Variants in TOPAZ1 observed in about 807,000 individuals in gnomAD.
The protein encoded by TOPAZ1 is protein TOPAZ1.
Under a neutral mutation model 172.2 loss-of-function variants are expected in TOPAZ1, and 66 were observed. The ratio of observed to expected loss-of-function variants is 0.38; its 90% confidence interval spans 0.31 to 0.47. TOPAZ1 has a LOEUF of 0.47. Among genes scored for constraint, TOPAZ1 ranks in the 20% least tolerant of loss-of-function variants. The pLI is 0.99. For missense variants in TOPAZ1, 1,822 were observed against 1,972.4 expected (o/e 0.92, Z 1.44); for synonymous variants, 681 against 683.9 (o/e 1.00, Z 0.07).
At chr3:44,293,061 G>T (rs780434702) in intron 12 of TOPAZ1, among the ~76,000 whole-genome samples, 1 of 152,150 alleles carries the variant, frequency 6.6e-6, no homozygotes, top group Non-Finnish European at 1.5e-5. Flanking sequence ...TTATAATGGA[G>T]CTGAAAAATT....
chr3:44,280,783 ACCTTAG>A (rs1700014737), intron 8 of TOPAZ1, among the ~76,000 whole-genome samples: 1 of 152,154 alleles, frequency 6.6e-6, no homozygotes, highest in Non-Finnish European at 1.5e-5. Context: ...ATTGGCTCCC[ACCTTAG>A]CCCTGGCAGC....
chr3:44,250,702 A>G (rs557208463), intron 2 of TOPAZ1, among the ~76,000 whole-genome samples: 106 of 152,180 alleles, frequency 7.0e-4, no homozygotes, highest in Non-Finnish European at 1.4e-3. Flanking sequence ...TTACTCTGCA[A>G]ACTACCGCAG....
rs1190092475 is a variant in TOPAZ1 at position 44,244,740 on chromosome 3, T to A, written c.2234T>A (p.Leu745Ter). 7 of 1,551,566 alleles carry A rather than the reference T, an allele frequency of 4.5e-6. No individual in the cohort carries two copies. The highest frequency in any genetic ancestry group is 6.1e-6 in the Non-Finnish European group (7 of 1,146,968). The change falls in exon 2 of 20, where the codon TTG becomes TAG. Residue 745 changes from leucine to a stop codon, truncating the protein, a stop_gained. Coordinates refer to ENST00000309765, the MANE Select transcript of TOPAZ1 (RefSeq NM_001145030.2). LOFTEE classifies it high-confidence loss of function. Reference sequence around the variant, plus strand: ...ATGATGATGTTAGGACCTCAAACTTTGAGCATACGAAATAGTGTAACTCCA... The same window carrying A: ...ATGATGATGTTAGGACCTCAAACTTAGAGCATACGAAATAGTGTAACTCCA... ...VSMMMLGPQT[L>*]SIRNSVTPVQ...
chr3:44,312,895 G>A (rs897457935), intron 16 of TOPAZ1, among the ~76,000 whole-genome samples: 8 of 152,086 alleles, frequency 5.3e-5, no homozygotes, highest in Admixed American at 5.2e-4. Flanking sequence ...ATGAAAAGCT[G>A]GATAAGCAAA....
At chr3:44,282,984 A>G (rs1700039841) in intron 9 of TOPAZ1, among the ~76,000 whole-genome samples, 2 of 152,170 alleles carry the variant, frequency 1.3e-5, no homozygotes, top group African/African-American at 2.4e-5. Context: ...AGGAGGAACT[A>G]TATAGGTTAG....
intron 19 of TOPAZ1, among the ~76,000 whole-genome samples, chr3:44,330,416 C>G (rs1336171601): frequency 6.6e-6 from 1 of 152,204 alleles, no homozygotes; most frequent in Admixed American, 6.5e-5. Flanking sequence ...TCTCTATTGT[C>G]ATTATCATGC....
At chr3:44,255,672 C>A (rs113028154) in intron 3 of TOPAZ1, among the ~76,000 whole-genome samples, 7 of 55,320 alleles carry the variant, frequency 1.3e-4, no homozygotes, top group East Asian at 1.2e-3. Flanking sequence ...AATATATATA[C>A]ACACACACAC....
chr3:44,331,718 TA>T, intron 19 of TOPAZ1, 73 bp from the exon 20 acceptor site: 2 of 1,170,572 alleles, frequency 1.7e-6, no homozygotes, highest in Non-Finnish European at 2.5e-6. Context: ...CCAGTAAATG[TA>T]AATGACTATC....
intron 12 of TOPAZ1, among the ~76,000 whole-genome samples, chr3:44,298,738 C>A (rs1700227107): frequency 1.4e-5 from 2 of 146,352 alleles, no homozygotes; most frequent in African/African-American, 2.5e-5. Context: ...TGACCCAAAC[C>A]CGACACCTTA....
At chr3:44,326,908 C>T (rs1700606872) in intron 18 of TOPAZ1, among the ~76,000 whole-genome samples, 1 of 151,766 alleles carries the variant, frequency 6.6e-6, no homozygotes, top group African/African-American at 2.4e-5. Flanking sequence ...TTATTTTCTG[C>T]TTTTTAATTC....
intron 18 of TOPAZ1, among the ~76,000 whole-genome samples, chr3:44,324,711 T>G (rs2125705958): frequency 6.6e-6 from 1 of 152,236 alleles, no homozygotes; most frequent in African/African-American, 2.4e-5. Flanking sequence ...AAGTCAGTGG[T>G]TTTACTATAT....
chr3:44,253,400 G>A (rs1699658296), intron 2 of TOPAZ1, among the ~76,000 whole-genome samples: 1 of 152,188 alleles, frequency 6.6e-6, no homozygotes, highest in Non-Finnish European at 1.5e-5. Flanking sequence ...AAAGAACGTG[G>A]TGACTTTACA....
chr3:44,280,738 CTTTCTG>C (rs1346650821), intron 8 of TOPAZ1, among the ~76,000 whole-genome samples: 4 of 152,192 alleles, frequency 2.6e-5, no homozygotes, highest in Non-Finnish European at 5.9e-5. Context: ...GTGTAGCCAT[CTTTCTG>C]GTTCTGGTGG....
At chr3:44,335,917 T>G (rs1700719412), downstream of TOPAZ1, among the ~76,000 whole-genome samples, 1 of 152,184 alleles carries the variant, frequency 6.6e-6, no homozygotes, top group South Asian at 2.1e-4. Context: ...CAAAAATGAC[T>G]GAAGCTGTTG....
At chr3:44,282,658 A>G (rs1157493123) in intron 9 of TOPAZ1, among the ~76,000 whole-genome samples, 3 of 152,188 alleles carry the variant, frequency 2.0e-5, no homozygotes, top group African/African-American at 4.8e-5. Context: ...CTGCAAGAAG[A>G]TAGACACCAT....
At position 44,328,405 on chromosome 3, in the gene TOPAZ1, A is replaced by G. The variant is rs1700626658; in HGVS notation, c.4831A>G (p.Thr1611Ala). Residue 1611 changes from threonine to alanine, a missense_variant, in exon 19 of 20, where the codon ACA becomes GCA. Physicochemically the swap from Thr to Ala is moderately conservative, Grantham distance 58. Around this residue, in one of 2 missense-constraint regions of TOPAZ1, gnomAD observed 333 missense variants for 481.7 expected, o/e 0.69. Transcript: ENST00000309765. ...ASSIQSPGTS[T>A]QILQIVLKRC... ...TAGTATTCAGAGTCCTGGAACTTCT[A>G]CACAGATACTGCAGATAGTTTTGAA... 6.6e-7 allele frequency: 1 copy of G among 1,516,904 alleles called. No individual in the cohort carries two copies. 94.0% of individuals were successfully genotyped at this position (1,516,904 alleles called of 1,614,324 possible).
intron 4 of TOPAZ1, among the ~76,000 whole-genome samples, chr3:44,257,745 A>G (rs1485361683): frequency 6.6e-6 from 1 of 152,224 alleles, no homozygotes; most frequent in African/African-American, 2.4e-5. Context: ...ATCTTAAAGT[A>G]TAAGAAGCAG....
chr3:44,269,001 A>T (rs1413576700), intron 6 of TOPAZ1, among the ~76,000 whole-genome samples: 1 of 152,180 alleles, frequency 6.6e-6, no homozygotes, highest in Non-Finnish European at 1.5e-5. Context: ...GTGAGTTTAA[A>T]ATTTTAAATT....
intron 2 of TOPAZ1, among the ~76,000 whole-genome samples, chr3:44,252,344 C>A (rs1437832078): frequency 6.6e-6 from 1 of 152,130 alleles, no homozygotes; most frequent in African/African-American, 2.4e-5. Flanking sequence ...TAATGAGCTC[C>A]TGCTTAATCT....
Sources: allele counts gnomAD v4.1 joint callset (sites outside exome capture counted in the v4.1 genomes callset), GRCh38; gene constraint gnomAD v4.1.1; regional missense constraint gnomAD v4.1.1; transcripts MANE v1.5; gene names NCBI Gene and HGNC (gene_info 2026-07-23, HGNC 2026-07-21).